Variants in NLK observed in about 807,000 individuals in gnomAD.
NLK encodes nemo like kinase.
Under a neutral mutation model 59.0 loss-of-function variants are expected in NLK, and 11 were observed. The ratio of observed to expected loss-of-function variants is 0.19; its 90% CI spans 0.12 to 0.31. The LOEUF (loss-of-function observed/expected upper bound fraction) is 0.31, where lower values mean the gene tolerates loss of function less well. NLK is among the 10% of genes least tolerant of loss of function. The pLI, the probability that NLK is intolerant of heterozygous loss-of-function variation, is 1.00. For synonymous variants in NLK, 235 were observed against 235.9 expected, an observed-to-expected ratio of 1.00 and a Z score of 0.03; for missense variants, 410 against 661.1, an observed-to-expected ratio of 0.62 and a Z score of 4.16.
chr17:28,141,313 T>C (rs1488032613), intron 3 of NLK, among the ~76,000 whole-genome samples: 2 of 152,246 alleles, frequency 1.3e-5, no homozygotes, highest in East Asian at 3.8e-4. Flanking sequence ...TCTCTGTTCT[T>C]CAGAACTGTT....
intron 4 of NLK, 85 bp from the exon 5 acceptor site, chr17:28,163,458 A>G (rs1000051167): frequency 1.3e-5 from 10 of 762,874 alleles, no homozygotes; most frequent in East Asian, 5.5e-5. Context: ...TAAATCCTCT[A>G]CTGTTTTCTT....
chr17:28,165,326 C>A (rs1908177487), intron 5 of NLK, among the ~76,000 whole-genome samples: 1 of 152,080 alleles, frequency 6.6e-6, no homozygotes, highest in South Asian at 2.1e-4. Flanking sequence ...ATGTTTGATG[C>A]CATTAACTGC....
At chr17:28,128,951 A>G (rs1906402372) in intron 2 of NLK, among the ~76,000 whole-genome samples, 1 of 152,230 alleles carries the variant, frequency 6.6e-6, no homozygotes, top group Non-Finnish European at 1.5e-5. Context: ...AGTCCAGTTC[A>G]ATAATAGCAC....
intron 1 of NLK, among the ~76,000 whole-genome samples, chr17:28,082,355 GA>G (rs956797287): frequency 6.6e-4 from 101 of 152,320 alleles, no homozygotes; most frequent in African/African-American, 2.4e-3. Context: ...TAAAAGGGGG[GA>G]AAAGGGAGGG....
chr17:28,177,195 C>T (rs1038290307), intron 7 of NLK, among the ~76,000 whole-genome samples: 2 of 152,020 alleles, frequency 1.3e-5, no homozygotes, highest in Non-Finnish European at 2.9e-5. Flanking sequence ...GAGAGGCAGG[C>T]ACACTCAATA....
At chr17:28,200,150 G>A (rs1259540108), downstream of NLK, among the ~76,000 whole-genome samples, 3 of 152,134 alleles carry the variant, frequency 2.0e-5, no homozygotes, top group African/African-American at 7.2e-5. Flanking sequence ...TAGAACAAAA[G>A]TTTTTATTTA....
chr17:28,053,488 T>C (rs1300903900), intron 1 of NLK, among the ~76,000 whole-genome samples: 2 of 152,220 alleles, frequency 1.3e-5, no homozygotes, highest in Non-Finnish European at 2.9e-5. Flanking sequence ...CCTATTGATT[T>C]CTCTTTTTAT....
chr17:28,115,494 AT>A, intron 1 of NLK, among the ~76,000 whole-genome samples: 1 of 152,262 alleles, frequency 6.6e-6, no homozygotes, highest in East Asian at 1.9e-4. Context: ...GATTGATTAT[AT>A]TTCTGTTTCA....
intron 1 of NLK, among the ~76,000 whole-genome samples, chr17:28,063,229 G>A (rs1228015916): frequency 1.3e-5 from 2 of 152,180 alleles, no homozygotes; most frequent in Non-Finnish European, 2.9e-5. Flanking sequence ...ATGGCGACTG[G>A]CAACATTTTT....
At chr17:28,146,768 A>C (rs1317050189) in intron 3 of NLK, among the ~76,000 whole-genome samples, 1 of 151,730 alleles carries the variant, frequency 6.6e-6, no homozygotes, top group East Asian at 1.9e-4. Flanking sequence ...TTTGAAGTTT[A>C]CTTTATCTTT....
intron 2 of NLK, among the ~76,000 whole-genome samples, chr17:28,125,742 A>G (rs896545938): frequency 6.6e-6 from 1 of 152,228 alleles, no homozygotes; most frequent in East Asian, 1.9e-4. Flanking sequence ...GCAAATGTTT[A>G]TTTATTGTGT....
chr17:28,082,908 A>G (rs903345311), intron 1 of NLK, among the ~76,000 whole-genome samples: 3 of 152,228 alleles, frequency 2.0e-5, no homozygotes, highest in Non-Finnish European at 2.9e-5. Context: ...AGAATTGGCT[A>G]TACTATGTAG....
chr17:28,179,244 A>T (rs1908800457), intron 7 of NLK, among the ~76,000 whole-genome samples: 2 of 149,050 alleles, frequency 1.3e-5, no homozygotes, highest in African/African-American at 4.9e-5. Context: ...TTTAGGGCAT[A>T]TTTTTTTTTT....
chr17:28,157,532 G>A (rs1907819613), intron 3 of NLK, among the ~76,000 whole-genome samples: 1 of 151,842 alleles, frequency 6.6e-6, no homozygotes, highest in Admixed American at 6.6e-5. Context: ...TCTCCATGTT[G>A]CCCAGGCTGG....
At chr17:28,045,918 A>T (rs901432207) in intron 1 of NLK, among the ~76,000 whole-genome samples, 2 of 152,224 alleles carry the variant, frequency 1.3e-5, no homozygotes, top group Non-Finnish European at 2.9e-5. Flanking sequence ...TCTCCCAGTG[A>T]TGCATCCTTT....
chr17:28,068,666 A>G (rs1448156984), intron 1 of NLK, among the ~76,000 whole-genome samples: 2 of 152,084 alleles, frequency 1.3e-5, no homozygotes, highest in African/African-American at 2.4e-5. Flanking sequence ...TGCTAATTGT[A>G]TTTTAATTTT....
At chr17:28,094,099 G>A (rs1032906447) in intron 1 of NLK, among the ~76,000 whole-genome samples, 2 of 152,166 alleles carry the variant, frequency 1.3e-5, no homozygotes, top group African/African-American at 4.8e-5. Context: ...ATTCTCATCA[G>A]ATGATACTTA....
At chr17:28,106,304 C>T (rs933172275) in intron 1 of NLK, among the ~76,000 whole-genome samples, 1 of 152,076 alleles carries the variant, frequency 6.6e-6, no homozygotes, top group African/African-American at 2.4e-5. Context: ...ATTTATATTA[C>T]CATTTTATAA....
intron 1 of NLK, among the ~76,000 whole-genome samples, chr17:28,069,382 A>G (rs1909935046): frequency 6.6e-6 from 1 of 152,036 alleles, no homozygotes; most frequent in South Asian, 2.1e-4. Context: ...ATAAGTTTTT[A>G]TTTCTCTAAG....
Sources: allele counts gnomAD v4.1 joint callset (sites outside exome capture counted in the v4.1 genomes callset), GRCh38; gene constraint gnomAD v4.1.1; transcripts MANE v1.5; gene names NCBI Gene and HGNC (gene_info 2026-07-23, HGNC 2026-07-21).